The following SYN3 variants were observed in gnomAD, a reference collection of about 807,000 sequenced individuals.
SYN3 encodes the protein synapsin-3.
In SYN3, 35 loss-of-function variants were observed where a neutral mutation model predicts 65.8. The observed-to-expected ratio is 0.53, with a 90% CI of 0.41 to 0.70. The LOEUF is 0.70. SYN3 is among the 30% of genes least tolerant of loss of function. The pLI, the probability that SYN3 is intolerant of heterozygous loss-of-function variation, is 0.00. For missense variants in SYN3, 680 were observed against 749.0 expected (o/e 0.91, Z 1.08); for synonymous variants, 270 against 292.9 (o/e 0.92, Z 0.80).
At chr22:33,004,161 T>C (rs904184689) in intron 2 of SYN3, among the ~76,000 whole-genome samples, 2 of 152,212 alleles carry the variant, frequency 1.3e-5, no homozygotes, top group South Asian at 4.1e-4. Flanking sequence ...GAACCTCTGC[T>C]AGGGCAGTGG....
At chr22:32,789,913 T>C (rs1338615273) in intron 6 of SYN3, among the ~76,000 whole-genome samples, 3 of 152,216 alleles carry the variant, frequency 2.0e-5, no homozygotes, top group African/African-American at 7.2e-5. Context: ...CTTAATAATA[T>C]TGACAGTGAC....
At chr22:32,953,914 G>A (rs2051366385) in intron 3 of SYN3, among the ~76,000 whole-genome samples, 1 of 152,090 alleles carries the variant, frequency 6.6e-6, no homozygotes, top group Non-Finnish European at 1.5e-5. Context: ...TCAGTTAGAT[G>A]TATTGTTCTG....
rs557208687 is a variant in SYN3 at position 32,509,738 on chromosome 22, T to G, written c.*3954A>C. Among the ~76,000 whole-genome samples the G allele has an allele frequency of 6.6e-6, 1 of 151,950 alleles. No individual in the cohort carries two copies. The highest frequency in any genetic ancestry group is 2.4e-5 in the African/African-American group (1 of 41,328). On this transcript the variant is annotated 3_prime_UTR_variant, in exon 14 of 14. Transcript: ENST00000358763. ...CGCCCGCTACCACGCCCGGCTAATT[T>G]TTTATATTTTTAGTAGAGATGGGGT... is the stretch of plus-strand genomic sequence containing the variant.
chr22:32,741,995 C>T (rs940194011), intron 6 of SYN3, among the ~76,000 whole-genome samples: 2 of 151,306 alleles, frequency 1.3e-5, no homozygotes, highest in Admixed American at 6.6e-5. Flanking sequence ...AAGCCCTGGC[C>T]GGGCGCGGTG....
At chr22:32,637,400 G>A (rs1170217619) in intron 6 of SYN3, among the ~76,000 whole-genome samples, 1 of 152,180 alleles carries the variant, frequency 6.6e-6, no homozygotes, top group Non-Finnish European at 1.5e-5. Context: ...CGAATACACA[G>A]TCTGCGTGGT....
chr22:32,603,144 T>C (rs1224405383), intron 6 of SYN3, among the ~76,000 whole-genome samples: 1 of 152,060 alleles, frequency 6.6e-6, no homozygotes, highest in Non-Finnish European at 1.5e-5. Context: ...TATTGTCATG[T>C]AAGAAGGGCC....
At chr22:32,758,202 T>A (rs918588583) in intron 6 of SYN3, among the ~76,000 whole-genome samples, 1 of 152,186 alleles carries the variant, frequency 6.6e-6, no homozygotes, top group African/African-American at 2.4e-5. Flanking sequence ...CCAAGGATAG[T>A]TGTATTATGT....
At chr22:33,003,863 A>G (rs1871168391) in intron 2 of SYN3, among the ~76,000 whole-genome samples, 1 of 152,214 alleles carries the variant, frequency 6.6e-6, no homozygotes, top group Admixed American at 6.5e-5. Flanking sequence ...CTAGGAGGGA[A>G]GAATGGTTTC....
intron 6 of SYN3, among the ~76,000 whole-genome samples, chr22:32,729,106 T>C (rs1299202004): frequency 6.6e-6 from 1 of 152,218 alleles, no homozygotes; most frequent in East Asian, 1.9e-4. Context: ...GAAGTTGTTT[T>C]ACTCATTTAT....
Position 33,002,498 on chromosome 22 carries a change from C to T in SYN3, c.311+3854G>A, listed in dbSNP as rs541297179. Among the ~76,000 whole-genome samples, 5 of 151,978 alleles carry T rather than the reference C, an allele frequency of 3.3e-5. No individual in the cohort carries two copies. The South Asian group carries it at 6.2e-4, about 19-fold the overall frequency. On this transcript the variant is annotated intron_variant, in intron 2 of 13. Transcript: ENST00000358763. ...CTACAGTAAAAATACAAAAAAATTACCCGGGCGTGGTGGCGCCTGCCTGTA... is the reference window on the plus strand; with the variant it reads ...CTACAGTAAAAATACAAAAAAATTATCCGGGCGTGGTGGCGCCTGCCTGTA...
At chr22:33,028,989 A>G (rs535756084) in intron 1 of SYN3, among the ~76,000 whole-genome samples, 53 of 151,970 alleles carry the variant, frequency 3.5e-4, no homozygotes, top group African/African-American at 1.1e-3. Flanking sequence ...GCAGTGAGCC[A>G]AGATCCCGCC....
chr22:32,690,871 G>T (rs1451031379), intron 6 of SYN3, among the ~76,000 whole-genome samples: 1 of 152,180 alleles, frequency 6.6e-6, no homozygotes, highest in East Asian at 1.9e-4. Flanking sequence ...CCTGCCCCCT[G>T]CAAATGGGAG....
chr22:32,949,415 CA>C (rs922670596), intron 3 of SYN3, among the ~76,000 whole-genome samples: 446 of 136,636 alleles, frequency 3.3e-3, no homozygotes, highest in Middle Eastern at 3.6e-3. Flanking sequence ...GACTCTATGT[CA>C]AAAAAAAAAA....
intron 6 of SYN3, among the ~76,000 whole-genome samples, chr22:32,839,831 G>A (rs1225143824): frequency 2.0e-5 from 3 of 152,262 alleles, no homozygotes; most frequent in African/African-American, 4.8e-5. Context: ...GTTCCAGGAA[G>A]CCTGACCTTC....
chr22:33,010,493 G>T (rs1000794608), intron 1 of SYN3, among the ~76,000 whole-genome samples: 5 of 152,128 alleles, frequency 3.3e-5, no homozygotes, highest in Non-Finnish European at 5.9e-5. Context: ...TACATGTGTG[G>T]GCCTACTTCT....
chr22:32,531,528 A>G (rs1269125182), intron 10 of SYN3, among the ~76,000 whole-genome samples: 1 of 152,196 alleles, frequency 6.6e-6, no homozygotes, highest in African/African-American at 2.4e-5. Flanking sequence ...TCCAGTGAGC[A>G]ATGTCATTCC....
intron 3 of SYN3, among the ~76,000 whole-genome samples, chr22:32,964,268 C>CG (rs1422984080): frequency 8.9e-6 from 1 of 112,136 alleles, no homozygotes; most frequent in East Asian, 2.6e-4. Context: ...CATCACACAC[C>CG]GGGGCCTGTT....
In SYN3 at chr22:33,035,339, C is replaced by CG. The variant is rs766928345; in HGVS notation, c.-163+22952_-163+22953insC. On this transcript the variant is annotated intron_variant, in intron 1 of 13. Transcript: ENST00000358763. The stretch of plus-strand genomic sequence containing the variant: ...AATTAAAAATCTCGGGACCCCCCCC[C>CG]CCCCCGCCACCAAACTTCTTATGCA... 2.4e-4 allele frequency among the ~76,000 whole-genome samples: 23 copies of CG among 94,840 alleles called. 1 individual carries two copies. The highest frequency in any genetic ancestry group is 6.9e-4 in the African/African-American group (18 of 26,148). The allele number at this position is 94,840 out of a possible 152,430, so 62.2% of individuals were successfully genotyped here.
At chr22:32,852,153 C>G (rs1177014310) in intron 6 of SYN3, among the ~76,000 whole-genome samples, 1 of 152,214 alleles carries the variant, frequency 6.6e-6, no homozygotes, top group Non-Finnish European at 1.5e-5. Context: ...CTCTGTTTGA[C>G]AGGTGAGGCA....
Sources: gnomAD v4.1 joint callset for allele counts (sites outside exome capture counted in the v4.1 genomes callset) on GRCh38, gnomAD v4.1.1 for gene constraint, MANE v1.5 for transcripts, NCBI Gene and HGNC (gene_info 2026-07-23, HGNC 2026-07-21) for gene names.